SFSWAP: variants seen among roughly 807,000 people sequenced by gnomAD.
SFSWAP encodes the protein splicing factor, suppressor of white-apricot homolog.
Under a neutral mutation model 100.7 loss-of-function variants are expected in SFSWAP, and 17 were observed. That is an observed-to-expected ratio of 0.17 (90% CI 0.12 to 0.25). SFSWAP has a LOEUF of 0.25. Among genes scored for constraint, SFSWAP ranks in the 10% least tolerant of loss-of-function variants. The pLI is 1.00. For synonymous variants in SFSWAP, 504 were observed against 510.1 expected, an observed-to-expected ratio of 0.99 and a Z score of 0.16; for missense variants, 1,005 against 1,262.6, an observed-to-expected ratio of 0.80 and a Z score of 3.09.
At chr12:131,739,263 G>GT (rs1394030146) in intron 7 of SFSWAP, among the ~76,000 whole-genome samples, 1 of 152,168 alleles carries the variant, frequency 6.6e-6, no homozygotes, top group Non-Finnish European at 1.5e-5. Context: ...AGGTCAAAGA[G>GT]TATGTGCATT....
chr12:131,735,880 C>T (rs1295424991), intron 7 of SFSWAP, among the ~76,000 whole-genome samples: 1 of 152,224 alleles, frequency 6.6e-6, no homozygotes, highest in African/African-American at 2.4e-5. Flanking sequence ...AATGATAATT[C>T]TCATCTCTCA....
rs112658793 is a variant in SFSWAP at position 131,790,103 on chromosome 12, C to A, written c.2534+3515C>A. Among the ~76,000 whole-genome samples, 173 of 152,320 alleles carry A rather than the reference C, an allele frequency of 1.1e-3. 1 individual carries two copies. The highest frequency in any genetic ancestry group is 4.0e-3 in the African/African-American group (165 of 41,590). On this transcript the variant is annotated intron_variant, in intron 15 of 17. Coordinates refer to ENST00000261674, the MANE Select transcript of SFSWAP (RefSeq NM_004592.4). ...CTCTCTTCTTCCTTCTGTGTTTATGCTGAAGACCCTGCCCCTTTGTTTAAA... is the reference window on the plus strand; with the variant it reads ...CTCTCTTCTTCCTTCTGTGTTTATGATGAAGACCCTGCCCCTTTGTTTAAA...
chr12:131,793,258 A>G (rs1885405559), intron 15 of SFSWAP, among the ~76,000 whole-genome samples: 1 of 151,394 alleles, frequency 6.6e-6, no homozygotes, highest in Admixed American at 6.6e-5. Flanking sequence ...ATTTTTTTTT[A>G]TTGTGTGTAG....
chr12:131,737,209 C>T (rs908747507), intron 7 of SFSWAP, among the ~76,000 whole-genome samples: 4 of 152,024 alleles, frequency 2.6e-5, no homozygotes, highest in South Asian at 2.1e-4. Flanking sequence ...AGGGTGGAGG[C>T]GAGGTGACTC....
intron 11 of SFSWAP, among the ~76,000 whole-genome samples, chr12:131,762,291 A>G (rs979218396): frequency 1.3e-5 from 2 of 152,022 alleles, no homozygotes; most frequent in South Asian, 4.1e-4. Flanking sequence ...CATGCTTGTC[A>G]TCCCAGCACT....
At chr12:131,772,448 A>G (rs759614279) in intron 13 of SFSWAP, among the ~76,000 whole-genome samples, 5 of 152,252 alleles carry the variant, frequency 3.3e-5, no homozygotes, top group Non-Finnish European at 5.9e-5. Flanking sequence ...AATCATGCAT[A>G]TAAACCTGCA....
At chr12:131,772,167 G>A (rs1022159787) in intron 13 of SFSWAP, among the ~76,000 whole-genome samples, 8 of 152,306 alleles carry the variant, frequency 5.3e-5, no homozygotes, top group Middle Eastern at 3.4e-3. Context: ...TGAGGAGCAC[G>A]TCACTATCGA....
At chr12:131,750,536 C>G (rs959974563) in intron 7 of SFSWAP, among the ~76,000 whole-genome samples, 3 of 152,192 alleles carry the variant, frequency 2.0e-5, no homozygotes, top group Non-Finnish European at 2.9e-5. Flanking sequence ...TGAGAATCTC[C>G]TGGGTCTGGG....
rs771764747 is a variant in SFSWAP at position 131,720,768 on chromosome 12, G to A, written c.606+1229G>A. On this transcript the variant is annotated intron_variant, in intron 4 of 17. Transcript: ENST00000261674. ...AGCCCTTTTAATTCCTGCCTCCAAC[G>A]CTTTCCTTCTCTTCCCTTATTCATT... Among the ~76,000 whole-genome samples, 120 of 152,148 alleles carry A rather than the reference G, an allele frequency of 7.9e-4. 2 individuals carry two copies. The highest frequency in any genetic ancestry group is 1.3e-3 in the Non-Finnish European group (85 of 67,994).
chr12:131,789,381 A>T (rs1458353569), intron 15 of SFSWAP, among the ~76,000 whole-genome samples: 1 of 152,164 alleles, frequency 6.6e-6, no homozygotes, highest in Non-Finnish European at 1.5e-5. Context: ...CAATGGGGCC[A>T]GATTCAGTAG....
intron 11 of SFSWAP, among the ~76,000 whole-genome samples, chr12:131,757,688 T>C (rs1882302964): frequency 6.6e-6 from 1 of 152,110 alleles, no homozygotes; most frequent in Non-Finnish European, 1.5e-5. Flanking sequence ...AGATGCCTTG[T>C]TGTATGAGAA....
chr12:131,740,459 A>G (rs186286045), intron 7 of SFSWAP, among the ~76,000 whole-genome samples: 62 of 152,252 alleles, frequency 4.1e-4, no homozygotes, highest in Admixed American at 3.3e-3. Context: ...CCCATTTTTC[A>G]TGGACTATAT....
intron 15 of SFSWAP, among the ~76,000 whole-genome samples, chr12:131,790,969 C>T (rs1885191457): frequency 6.6e-6 from 1 of 152,100 alleles, no homozygotes; most frequent in Non-Finnish European, 1.5e-5. Context: ...CAGAAAAGGG[C>T]AGGTGGGGGA....
intron 7 of SFSWAP, among the ~76,000 whole-genome samples, chr12:131,731,234 C>T (rs948894211): frequency 2.0e-5 from 3 of 152,214 alleles, no homozygotes; most frequent in Admixed American, 1.3e-4. Flanking sequence ...GGCGTTACGT[C>T]GGGTCCTCCA....
chr12:131,785,523 T>C (rs967652675), intron 14 of SFSWAP: 27 of 290,232 alleles, frequency 9.3e-5, no homozygotes, highest in African/African-American at 4.8e-4. Flanking sequence ...GTGTTTTTTT[T>C]CCAGATTTGT....
chr12:131,738,416 T>C (rs1880246861), intron 7 of SFSWAP, among the ~76,000 whole-genome samples: 1 of 152,244 alleles, frequency 6.6e-6, no homozygotes, highest in Non-Finnish European at 1.5e-5. Context: ...TTGTTATCTG[T>C]GGAACACAAA....
chr12:131,728,520 A>G, intron 7 of SFSWAP, 92 bp downstream of exon 7: 5 of 1,382,596 alleles, frequency 3.6e-6, no homozygotes, highest in Non-Finnish European at 5.0e-6. Flanking sequence ...TCTGTCCTCC[A>G]AGTGTAACAA....
intron 9 of SFSWAP, among the ~76,000 whole-genome samples, chr12:131,754,985 T>A (rs1426863001): frequency 6.6e-6 from 1 of 152,166 alleles, no homozygotes; most frequent in Non-Finnish European, 1.5e-5. Context: ...TGCTTAGACT[T>A]GGGTGGTGTT....
chr12:131,711,387 C>G lies in SFSWAP; in HGVS notation c.158C>G (p.Ala53Gly). ...KLFRDDERAL[A>G]QEQGQHLIPW... ...TTCCGGGACGACGAGCGGGCCCTGG[C>G]TCAGGAACAGGGACAGCACCTCATC... Residue 53 changes from alanine (A) to glycine (G), a missense_variant, in exon 1 of 18, where the codon GCT (alanine) becomes GGT (glycine). Ala to Gly is a moderately conservative substitution (Grantham distance 60). Coordinates refer to ENST00000261674, the MANE Select transcript of SFSWAP (RefSeq NM_004592.4). The surrounding 1 kb of genome is among the most constrained non-coding windows in gnomAD (Gnocchi z 4.9). The G allele has an allele frequency of 6.2e-7, 1 of 1,613,936 alleles. No individual in the cohort carries two copies. The highest frequency in any genetic ancestry group is 8.5e-7 in the Non-Finnish European group (1 of 1,180,038).
Sources: allele counts gnomAD v4.1 joint callset (sites outside exome capture counted in the v4.1 genomes callset), GRCh38; gene constraint gnomAD v4.1.1; non-coding constraint Gnocchi (gnomAD v3.1); transcripts MANE v1.5; gene names NCBI Gene and HGNC (gene_info 2026-07-23, HGNC 2026-07-21).